The following SLIT2 variants were observed in gnomAD, a reference collection of about 807,000 sequenced individuals.
SLIT2 encodes the protein slit guidance ligand 2, also known as slit homolog 2 protein.
In SLIT2, 41 loss-of-function variants were observed where a neutral mutation model predicts 185.7. That is an observed-to-expected ratio of 0.22 (90% CI 0.17 to 0.29). SLIT2 has a LOEUF of 0.29. Ranked by LOEUF, SLIT2 falls within the 10% of genes least tolerant of loss-of-function variation. SLIT2 has a pLI of 1.00. For synonymous variants in SLIT2, 693 were observed against 680.2 expected, an observed-to-expected ratio of 1.02 and a Z score of -0.29; for missense variants, 1,571 against 1,909.0, an observed-to-expected ratio of 0.82 and a Z score of 3.30.
At chr4:20,429,664 T>C (rs1490583561) in intron 4 of SLIT2, among the ~76,000 whole-genome samples, 2 of 152,176 alleles carry the variant, frequency 1.3e-5, no homozygotes, top group Non-Finnish European at 2.9e-5. Context: ...AGACAGCCTC[T>C]TTGAGAATTG....
chr4:20,339,046 T>G (rs1720742810), intron 4 of SLIT2, among the ~76,000 whole-genome samples: 1 of 136,026 alleles, frequency 7.4e-6, no homozygotes, highest in Non-Finnish European at 1.5e-5. Flanking sequence ...TGAGGTATGA[T>G]CTCACTGCTG....
At chr4:20,357,296 A>G (rs2109281742) in intron 4 of SLIT2, among the ~76,000 whole-genome samples, 2 of 152,232 alleles carry the variant, frequency 1.3e-5, no homozygotes, top group East Asian at 3.9e-4. Flanking sequence ...ATTATTACTC[A>G]CTTTTTTCCT....
intron 17 of SLIT2, among the ~76,000 whole-genome samples, chr4:20,533,019 C>G (rs746458764): frequency 7.2e-5 from 11 of 152,202 alleles, no homozygotes; most frequent in Non-Finnish European, 1.0e-4. Flanking sequence ...CAACTAGATA[C>G]TCTTGCCTTC....
At position 20,472,288 on chromosome 4, in the gene SLIT2, A is replaced by C. The variant is rs1367253137; in HGVS notation, c.467+4465A>C. ...TATAGATATATATCTATATATATAG[A>C]TATATAGATATATAGATCTATATAT... On this transcript the variant is annotated intron_variant, in intron 5 of 36. Coordinates refer to ENST00000504154, the MANE Select transcript of SLIT2 (RefSeq NM_004787.4). Among the ~76,000 whole-genome samples, 136 of 21,026 alleles carry C rather than the reference A, an allele frequency of 6.5e-3. 9 individuals carry two copies. Among genetic ancestry groups the C allele is most frequent in the African/African-American group, 0.017 (55 of 3,224 alleles). The allele number at this position is 21,026 out of a possible 152,430, so 13.8% of individuals were successfully genotyped here.
intron 34 of SLIT2, among the ~76,000 whole-genome samples, chr4:20,613,816 A>C (rs1729432420): frequency 6.6e-6 from 1 of 152,166 alleles, no homozygotes; most frequent in African/African-American, 2.4e-5. Flanking sequence ...ATGGAGAGGC[A>C]GCTTAACCTA....
At chr4:20,267,873 A>G (rs1713202320) in intron 3 of SLIT2, among the ~76,000 whole-genome samples, 1 of 151,894 alleles carries the variant, frequency 6.6e-6, no homozygotes, top group African/African-American at 2.4e-5. Context: ...AAACTATACT[A>G]TATAATATGC....
chr4:20,349,138 G>T (rs1273535474), intron 4 of SLIT2, among the ~76,000 whole-genome samples: 2 of 152,112 alleles, frequency 1.3e-5, no homozygotes, highest in African/African-American at 2.4e-5. Flanking sequence ...TGGACAAGAG[G>T]TTTCCATACT....
In SLIT2 at chr4:20,548,557, C is replaced by T. The variant is rs1428108892; in HGVS notation, c.2415C>T (p.Thr805=). The part of the protein sequence containing the change: ...QSFSNMTQLL[T]LILSYNRLRC... ...TCAGCAACATGACCCAGCTCCTCACCTTGTGAGTGTGAAAGTGTGGTACTG... is the reference window on the plus strand; with the variant it reads ...TCAGCAACATGACCCAGCTCCTCACTTTGTGAGTGTGAAAGTGTGGTACTG... Residue 805 remains threonine (T), a splice_region_variant and synonymous_variant, in exon 23 of 37, where the codon ACC becomes ACT. Transcript: ENST00000504154. The T allele has an allele frequency of 1.9e-6, 3 of 1,588,170 alleles. No individual in the cohort carries two copies. Among genetic ancestry groups the T allele is most frequent in the East Asian group, 2.2e-5 (1 of 44,746 alleles).
At chr4:20,403,564 A>G (rs1475772366) in intron 4 of SLIT2, among the ~76,000 whole-genome samples, 1 of 151,972 alleles carries the variant, frequency 6.6e-6, no homozygotes, top group Admixed American at 6.6e-5. Context: ...GGGAAATTGA[A>G]TTGAGAAAAG....
intron 4 of SLIT2, among the ~76,000 whole-genome samples, chr4:20,466,752 G>A (rs1467855014): frequency 6.6e-6 from 1 of 152,090 alleles, no homozygotes; most frequent in African/African-American, 2.4e-5. Context: ...CATCTGATAT[G>A]CACCTGTGGT....
rs575388258 is a variant in SLIT2, at chr4:20,367,016, C to A, written c.395+98135C>A. On this transcript the variant is annotated intron_variant, in intron 4 of 36. Coordinates refer to ENST00000504154, the MANE Select transcript of SLIT2 (RefSeq NM_004787.4). ...GTCTTCCTCTGTTGTCCAGGCTGCT[C>A]TCTAACTCCTGGGTTTAAGTGATCC... Among the ~76,000 whole-genome samples the A allele has an allele frequency of 4.6e-3, 693 of 152,150 alleles. 6 individuals carry two copies. The highest frequency in any genetic ancestry group is 6.8e-3 in the Middle Eastern group (2 of 292).
chr4:20,278,411 C>T (rs1326372810), intron 4 of SLIT2, among the ~76,000 whole-genome samples: 9 of 152,084 alleles, frequency 5.9e-5, no homozygotes, highest in Non-Finnish European at 1.2e-4. Flanking sequence ...TATGTAGGCA[C>T]TTTTTATGAT....
intron 4 of SLIT2, among the ~76,000 whole-genome samples, chr4:20,356,684 A>T (rs1722349464): frequency 6.6e-6 from 1 of 152,188 alleles, no homozygotes; most frequent in Non-Finnish European, 1.5e-5. Context: ...GGATAAACAC[A>T]CACAGTGTAT....
intron 9 of SLIT2, among the ~76,000 whole-genome samples, chr4:20,504,434 A>G (rs1263693469): frequency 6.6e-6 from 1 of 152,174 alleles, no homozygotes; most frequent in Non-Finnish European, 1.5e-5. Flanking sequence ...CAATCAATCC[A>G]AAGACATATT....
chr4:20,472,465 T>G (rs1281950911), intron 5 of SLIT2, among the ~76,000 whole-genome samples: 4 of 49,178 alleles, frequency 8.1e-5, no homozygotes, highest in Non-Finnish European at 1.0e-4. Context: ...TATATCTATA[T>G]CTATATATAG....
At chr4:20,295,804 AATTGCAGCCTTC>A (rs1340743813) in intron 4 of SLIT2, among the ~76,000 whole-genome samples, 1 of 151,998 alleles carries the variant, frequency 6.6e-6, no homozygotes, top group Non-Finnish European at 1.5e-5. Flanking sequence ...GGGAATCTAT[AATTGCAGCCTTC>A]ATTTCTCTTG....
chr4:20,455,731 A>G (rs1712997792), intron 4 of SLIT2, among the ~76,000 whole-genome samples: 1 of 152,150 alleles, frequency 6.6e-6, no homozygotes, highest in Non-Finnish European at 1.5e-5. Flanking sequence ...TGGTTGCACA[A>G]CTGCATAAAT....
chr4:20,553,726 C>A, intron 25 of SLIT2, 79 bp from the exon 26 acceptor site: 1 of 1,215,174 alleles, frequency 8.2e-7, no homozygotes, highest in Non-Finnish European at 1.1e-6. Flanking sequence ...AATAACAATA[C>A]TTCCATACTT....
intron 4 of SLIT2, among the ~76,000 whole-genome samples, chr4:20,270,701 A>AT (rs1713513553): frequency 6.6e-6 from 1 of 151,872 alleles, no homozygotes; most frequent in South Asian, 2.1e-4. Flanking sequence ...GGATGTGAAT[A>AT]TTTTTATGTT....
Sources: gnomAD v4.1 joint callset for allele counts (sites outside exome capture counted in the v4.1 genomes callset) on GRCh38, gnomAD v4.1.1 for gene constraint, MANE v1.5 for transcripts, NCBI Gene and HGNC (gene_info 2026-07-23, HGNC 2026-07-21) for gene names.